The following CNTN3 variants were observed in gnomAD, a reference collection of about 807,000 sequenced individuals.
CNTN3 encodes the protein contactin 3, also known as contactin-3.
CNTN3 carries 60 observed loss-of-function variants against 119.1 expected under a neutral mutation model. The ratio of observed to expected loss-of-function variants is 0.50; its 90% CI spans 0.41 to 0.62. The LOEUF is 0.62. Ranked by LOEUF, CNTN3 falls within the 20% of genes least tolerant of loss-of-function variation. The pLI is 0.00. For synonymous variants in CNTN3, 450 were observed against 438.7 expected (o/e 1.03, Z -0.32); for missense variants, 1,101 against 1,242.4 (o/e 0.89, Z 1.71).
At chr3:74,455,228 C>T (rs1271912952) in intron 4 of CNTN3, among the ~76,000 whole-genome samples, 1 of 151,922 alleles carries the variant, frequency 6.6e-6, no homozygotes, top group Non-Finnish European at 1.5e-5. Context: ...CTCTAAACTT[C>T]CCTTCTCGCT....
chr3:74,529,728 A>G (rs1186752466), intron 1 of CNTN3, among the ~76,000 whole-genome samples: 1 of 151,998 alleles, frequency 6.6e-6, no homozygotes, highest in Non-Finnish European at 1.5e-5. Context: ...TCTGTAAACA[A>G]TATTTTTTTG....
chr3:74,495,965 C>T (rs748752442), intron 3 of CNTN3, among the ~76,000 whole-genome samples: 3 of 152,014 alleles, frequency 2.0e-5, no homozygotes, highest in South Asian at 2.1e-4. Context: ...GCCCAGGGGT[C>T]GACCTGAAAC....
intron 3 of CNTN3, among the ~76,000 whole-genome samples, chr3:74,492,300 T>C (rs944531120): frequency 4.6e-5 from 7 of 152,154 alleles, no homozygotes; most frequent in African/African-American, 1.4e-4. Flanking sequence ...CAGTCAATAA[T>C]CAGAGAGAAA....
chr3:74,316,332 A>T (rs1702829984), intron 13 of CNTN3, among the ~76,000 whole-genome samples: 1 of 152,226 alleles, frequency 6.6e-6, no homozygotes. Context: ...AAAGTAAAAA[A>T]ATAACAGATG....
chr3:74,571,295 A>C (rs1255401144), intron 1 of CNTN3, among the ~76,000 whole-genome samples: 1 of 152,178 alleles, frequency 6.6e-6, no homozygotes, highest in Non-Finnish European at 1.5e-5. Context: ...CTTGAGTTAG[A>C]CATTGACTCA....
chr3:74,437,441 G>C (rs912424743), intron 4 of CNTN3, among the ~76,000 whole-genome samples: 1 of 151,986 alleles, frequency 6.6e-6, no homozygotes, highest in African/African-American at 2.4e-5. Context: ...CAACCTGGGT[G>C]ACAGCGCGAG....
intron 4 of CNTN3, among the ~76,000 whole-genome samples, chr3:74,466,601 A>T (rs1702465285): frequency 6.6e-6 from 1 of 152,164 alleles, no homozygotes; most frequent in African/African-American, 2.4e-5. Context: ...TCATGGAGGA[A>T]AATGTACCTA....
intron 1 of CNTN3, among the ~76,000 whole-genome samples, chr3:74,544,305 T>A (rs1174745257): frequency 1.3e-5 from 2 of 152,164 alleles, no homozygotes; most frequent in African/African-American, 2.4e-5. Context: ...CTGAGAAACT[T>A]TGAAGTTGAA....
chr3:74,393,094 C>A (rs1704956284), intron 5 of CNTN3, among the ~76,000 whole-genome samples: 1 of 152,158 alleles, frequency 6.6e-6, no homozygotes, highest in Admixed American at 6.5e-5. Context: ...CCATGAAGTG[C>A]ATCTGCCATA....
At position 74,589,196 on chromosome 3, in the gene CNTN3, T is replaced by C. The variant is rs1433731521; in HGVS notation, c.-81+25195A>G. On this transcript the variant is annotated intron_variant, in intron 1 of 22. Transcript: ENST00000263665. ...CCTACAAAATGGGAGAAAATTTTTGTGACCTACTCATCTGACAAAGGGCTA... is the reference window on the plus strand; with the variant it reads ...CCTACAAAATGGGAGAAAATTTTTGCGACCTACTCATCTGACAAAGGGCTA... Among the ~76,000 whole-genome samples, 488 of 151,364 alleles carry C rather than the reference T, an allele frequency of 3.2e-3. 2 individuals are homozygous for C. The highest frequency in any genetic ancestry group is 4.6e-3 in the South Asian group (22 of 4,802).
intron 1 of CNTN3, among the ~76,000 whole-genome samples, chr3:74,596,047 C>G (rs1455325970): frequency 6.6e-6 from 1 of 152,010 alleles, no homozygotes; most frequent in Non-Finnish European, 1.5e-5. Flanking sequence ...ACACCAAAAA[C>G]AGACAGAGAG....
rs540155825 is a variant in CNTN3 at position 74,313,946 on chromosome 3, G to T, written c.1669-11139C>A. Among the ~76,000 whole-genome samples the T allele has an allele frequency of 1.7e-4, 26 of 152,240 alleles. No individual in the cohort carries two copies. In the South Asian group the frequency reaches 5.0e-3, roughly 29 times the overall value. On this transcript the variant is annotated intron_variant, in intron 13 of 22. Transcript: ENST00000263665. ...TACAACAGCTTTGCAAAGCAGTTTT[G>T]TGGAGATGGCCAAGCAGTACCCATT...
chr3:74,309,925 T>A (rs1702644823), intron 13 of CNTN3, among the ~76,000 whole-genome samples: 1 of 152,216 alleles, frequency 6.6e-6, no homozygotes, highest in Non-Finnish European at 1.5e-5. Context: ...GGTGTGCTCA[T>A]CATAATTTTA....
intron 5 of CNTN3, among the ~76,000 whole-genome samples, chr3:74,399,910 C>T (rs12493728): frequency 0.37 from 56,938 of 151,950 alleles, 11,403 homozygotes; most frequent in East Asian, 0.64. Flanking sequence ...ATGTCTCTTG[C>T]GCTTCCTAGA....
At chr3:74,301,066 C>G (rs1247502674) in intron 16 of CNTN3, among the ~76,000 whole-genome samples, 1 of 152,174 alleles carries the variant, frequency 6.6e-6, no homozygotes, top group East Asian at 1.9e-4. Flanking sequence ...TTTGCCAATG[C>G]TTGTTATAAA....
At chr3:74,357,138 G>C (rs2106761337) in intron 11 of CNTN3, among the ~76,000 whole-genome samples, 1 of 152,126 alleles carries the variant, frequency 6.6e-6, no homozygotes, top group African/African-American at 2.4e-5. Flanking sequence ...GTGTTAGCCA[G>C]AATGGTCTCG....
chr3:74,400,659 T>A (rs1380262183), intron 5 of CNTN3, among the ~76,000 whole-genome samples: 1 of 152,170 alleles, frequency 6.6e-6, no homozygotes, highest in African/African-American at 2.4e-5. Context: ...GTTTATTTTT[T>A]AAAAATTAGA....
At chr3:74,429,277 A>G (rs984309283) in intron 4 of CNTN3, among the ~76,000 whole-genome samples, 1 of 152,098 alleles carries the variant, frequency 6.6e-6, no homozygotes, top group Non-Finnish European at 1.5e-5. Context: ...GAATCACTCT[A>G]CCTAACATTG....
intron 1 of CNTN3, among the ~76,000 whole-genome samples, chr3:74,542,543 C>T (rs1016863401): frequency 6.6e-6 from 1 of 152,146 alleles, no homozygotes; most frequent in African/African-American, 2.4e-5. Flanking sequence ...TACTGATCCA[C>T]ACAGTGATGT....
Sources: allele counts gnomAD v4.1 joint callset (sites outside exome capture counted in the v4.1 genomes callset), GRCh38; gene constraint gnomAD v4.1.1; transcripts MANE v1.5; gene names NCBI Gene and HGNC (gene_info 2026-07-23, HGNC 2026-07-21).